Variants in NPL observed in about 807,000 individuals in gnomAD.
NPL encodes the protein N-acetylneuraminate lyase.
In NPL, 32 loss-of-function variants were observed where a neutral mutation model predicts 41.1. The ratio of observed to expected loss-of-function variants is 0.78; its 90% confidence interval spans 0.59 to 1.05. The LOEUF (loss-of-function observed/expected upper bound fraction) is 1.05. NPL is among the 50% of genes least tolerant of loss of function. The pLI is 0.00. For synonymous variants in NPL, 128 were observed against 134.9 expected, an observed-to-expected ratio of 0.95 and a Z score of 0.35; for missense variants, 321 against 378.4, an observed-to-expected ratio of 0.85 and a Z score of 1.26.
At chr1:182,790,262 T>C (rs553059940) in intron 1 of NPL, among the ~76,000 whole-genome samples, 2 of 152,258 alleles carry the variant, frequency 1.3e-5, no homozygotes, top group Admixed American at 6.5e-5. Context: ...TCACTTTCTG[T>C]CTCTTAAAAA....
At chr1:182,819,400 C>T (rs1270724682) in intron 10 of NPL, among the ~76,000 whole-genome samples, 3 of 151,266 alleles carry the variant, frequency 2.0e-5, no homozygotes, top group African/African-American at 4.9e-5. Flanking sequence ...GAGCTGAGAT[C>T]GCACCACTGC....
Position 182,806,172 on chromosome 1 carries a change from C to G in NPL, c.170C>G (p.Ser57Cys). ...FVNGTTGEGL[S>C]LSVSERRQVA... is the part of the protein sequence containing the mutation. ...AATGGCACAACAGGAGAAGGCCTGT[C>G]CCTGAGCGTCTCAGAGCGTCGCCAG... Residue 57 changes from serine to cysteine, a missense_variant, in exon 5 of 13, where the codon TCC (serine) becomes TGC (cysteine). Ser to Cys is a moderately radical substitution (Grantham distance 112). Transcript: ENST00000367553. The G allele has an allele frequency of 6.2e-7, 1 of 1,614,192 alleles. No individual in the cohort carries two copies. Among genetic ancestry groups the G allele is most frequent in the Non-Finnish European group, 8.5e-7 (1 of 1,180,018 alleles).
At chr1:182,802,925 TA>T (rs1666893320) in intron 3 of NPL, among the ~76,000 whole-genome samples, 1 of 152,214 alleles carries the variant, frequency 6.6e-6, no homozygotes. Flanking sequence ...ATGTGTCTAA[TA>T]AAGTCCCCCA....
chr1:182,813,519 G>A (rs1340290480), intron 6 of NPL, among the ~76,000 whole-genome samples: 1 of 152,186 alleles, frequency 6.6e-6, no homozygotes, highest in African/African-American at 2.4e-5. Context: ...GTGTGGTGTA[G>A]GGTATATTTT....
Position 182,822,174 on chromosome 1 carries a change from A to G in NPL, c.713A>G (p.Asp238Gly), listed in dbSNP as rs779745780. The change falls in exon 11 of 13, where the codon GAC becomes GGC. Residue 238 changes from aspartate to glycine, a missense_variant. Transcript: ENST00000367553. ...NQMLEAFEQK[D>G]FSLALNYQFC... ...ATGTTGGAGGCTTTTGAACAAAAGG[A>G]CTTCTCTTTAGCCCTGAACTATCAG... is the stretch of plus-strand genomic sequence containing the variant. The G allele has an allele frequency of 3.8e-5, 61 of 1,612,956 alleles. 1 individual carries two copies. The South Asian group carries it at 6.6e-4, about 17-fold the overall frequency.
At chr1:182,818,271 G>T (rs1667390037) in intron 8 of NPL, among the ~76,000 whole-genome samples, 1 of 152,082 alleles carries the variant, frequency 6.6e-6, no homozygotes. Context: ...CAAGGTTTTG[G>T]GTACTTTGTC....
chr1:182,800,470 T>G (rs890104210), intron 3 of NPL, among the ~76,000 whole-genome samples: 3 of 132,168 alleles, frequency 2.3e-5, no homozygotes, highest in African/African-American at 8.3e-5. Flanking sequence ...ACGGACAGAA[T>G]CCTCAAGGAG....
chr1:182,800,435 CAAAAAAAAA>C (rs1053733197), intron 3 of NPL, among the ~76,000 whole-genome samples: 4 of 51,610 alleles, frequency 7.8e-5, no homozygotes, highest in Non-Finnish European at 2.0e-4. Flanking sequence ...GACCCTGTCT[CAAAAAAAAA>C]AAAAAAAAAA....
chr1:182,806,561 C>A, intron 5 of NPL: 1 of 1,533,608 alleles, frequency 6.5e-7, no homozygotes, highest in Non-Finnish European at 8.7e-7. Context: ...ACGGACTCTG[C>A]TGGTCACTTG....
chr1:182,806,337 C>G, intron 5 of NPL, 105 bp downstream of exon 5: 1 of 1,564,864 alleles, frequency 6.4e-7, no homozygotes, highest in South Asian at 1.2e-5. Flanking sequence ...AGAGCCGGGG[C>G]TTGAGGTCAG....
At chr1:182,809,145 T>A (rs759728773) in intron 5 of NPL, 1 of 390,384 alleles carries the variant, frequency 2.6e-6, no homozygotes. Context: ...AACCCTGTCA[T>A]AAGTCAGGGA....
chr1:182,792,763 A>G (rs1341327889), intron 2 of NPL, among the ~76,000 whole-genome samples: 1 of 152,248 alleles, frequency 6.6e-6, no homozygotes, highest in Non-Finnish European at 1.5e-5. Flanking sequence ...GTTTGCAAGG[A>G]AAGTATCGTG....
chr1:182,829,674 C>T lies in NPL; in HGVS notation c.*766C>T. The stretch of plus-strand genomic sequence containing the variant: ...GGGCACCACAAACTTCCCCTTCCTC[C>T]ACTGAGAAGACTGTCTCTCCCGCAG... On this transcript the variant is annotated 3_prime_UTR_variant, in exon 13 of 13. Coordinates refer to ENST00000367553, the MANE Select transcript of NPL (RefSeq NM_030769.3). 1 of 1,530,668 alleles carries T rather than the reference C, an allele frequency of 6.5e-7. No homozygotes were observed. The highest frequency in any genetic ancestry group is 8.9e-7 in the Non-Finnish European group (1 of 1,128,480). The allele number at this position is 1,530,668 out of a possible 1,614,324, so 94.8% of individuals were successfully genotyped here.
rs535556031 is a variant in NPL, at chr1:182,826,120, G to A, written c.778+300G>A. On this transcript the variant is annotated intron_variant, in intron 12 of 12. Transcript: ENST00000367553. Reference sequence around the variant, plus strand: ...TTCAGCTCATTAAAATTCTACTACTGCATTGAGGTTGATTTCAGCCTAAGT... The same window carrying A: ...TTCAGCTCATTAAAATTCTACTACTACATTGAGGTTGATTTCAGCCTAAGT... 216 of 470,952 alleles carry A rather than the reference G, an allele frequency of 4.6e-4. 4 individuals are homozygous for A. Among genetic ancestry groups the A allele is most frequent in the South Asian group, 3.7e-3 (150 of 40,190 alleles). 29.2% of individuals were successfully genotyped at this position (470,952 alleles called of 1,614,324 possible).
chr1:182,799,729 C>A (rs1666777786), intron 3 of NPL, among the ~76,000 whole-genome samples: 1 of 118,460 alleles, frequency 8.4e-6, no homozygotes, highest in Non-Finnish European at 1.7e-5. Context: ...AAGACCCTGT[C>A]TCCAAAAAAA....
At chr1:182,822,323 T>G (rs1417653543) in intron 11 of NPL, 124 bp downstream of exon 11, 1 of 723,832 alleles carries the variant, frequency 1.4e-6, no homozygotes, top group Non-Finnish European at 2.5e-6. Context: ...TCTTTACCTT[T>G]CTTCTGTTTT....
chr1:182,820,034 C>T (rs1319623538), intron 10 of NPL, among the ~76,000 whole-genome samples: 2 of 152,220 alleles, frequency 1.3e-5, no homozygotes, highest in Admixed American at 6.5e-5. Context: ...TCTTTCTGCA[C>T]ATCTCTTTAT....
chr1:182,803,675 C>A, intron 3 of NPL, 23 bp from the exon 4 acceptor site: 1 of 1,549,122 alleles, frequency 6.5e-7, no homozygotes, highest in Non-Finnish European at 8.9e-7. Context: ...CTAAATATGC[C>A]TTTTTTTCCA....
intron 4 of NPL, among the ~76,000 whole-genome samples, chr1:182,804,630 C>G (rs370715929): frequency 6.6e-6 from 1 of 152,288 alleles, no homozygotes; most frequent in East Asian, 1.9e-4. Context: ...ATTGAGCTGT[C>G]CCTTGCTTAG....
Sources: gnomAD v4.1 joint callset for allele counts (sites outside exome capture counted in the v4.1 genomes callset) on GRCh38, gnomAD v4.1.1 for gene constraint, MANE v1.5 for transcripts, NCBI Gene and HGNC (gene_info 2026-07-23, HGNC 2026-07-21) for gene names.